Variants in DUSP15 observed in about 807,000 individuals in gnomAD.
DUSP15 encodes dual specificity protein phosphatase 15.
A neutral mutation model predicts 26.3 loss-of-function variants in DUSP15; 23 were observed. That is an observed-to-expected ratio of 0.87 (90% CI 0.63 to 1.24). DUSP15 has a LOEUF of 1.24. Among genes scored for constraint, DUSP15 ranks in the 50% most tolerant of loss-of-function variants. DUSP15 has a pLI of 0.00. For synonymous variants in DUSP15, 143 were observed against 135.5 expected, an observed-to-expected ratio of 1.06 and a Z score of -0.39; for missense variants, 364 against 320.6, an observed-to-expected ratio of 1.14 and a Z score of -1.03.
chr20:31,854,856 AG>A (rs1009021007), intron 6 of DUSP15, among the ~76,000 whole-genome samples: 1 of 152,222 alleles, frequency 6.6e-6, no homozygotes, highest in African/African-American at 2.4e-5. Context: ...CATTGCTCCT[AG>A]GGGAAATACA....
rs2062867535 is a variant in DUSP15 at position 31,869,554 on chromosome 20, C to A, written c.55+10G>T. On this transcript the variant is annotated intron_variant, in intron 2 of 6. Transcript: ENST00000339738. ...TGCCATGGCCTCGGGACAGAGTGGGCAGTGCTCACCAATGAAGTTTCCGAG... is the reference window on the plus strand; with the variant it reads ...TGCCATGGCCTCGGGACAGAGTGGGAAGTGCTCACCAATGAAGTTTCCGAG... 6.2e-7 allele frequency: 1 copy of A among 1,611,580 alleles called. No homozygotes were observed. The highest frequency in any genetic ancestry group is 2.2e-5 in the East Asian group (1 of 44,814).
At chr20:31,863,580 G>A (rs1055587461) in intron 5 of DUSP15, 1 of 262,568 alleles carries the variant, frequency 3.8e-6, no homozygotes, top group Non-Finnish European at 7.4e-6. Flanking sequence ...GAGGAGGGAG[G>A]CCCAGAACTA....
At position 31,849,887 on chromosome 20, in the gene DUSP15, A is replaced by T. The variant is rs376181819; in HGVS notation, c.492-13T>A. 7.3e-5 allele frequency: 108 copies of T among 1,484,032 alleles called. 1 individual carries two copies. In the African/African-American group the frequency reaches 1.5e-3, roughly 20 times the overall value. The allele number at this position is 1,484,032 out of a possible 1,614,324, so 91.9% of individuals were successfully genotyped here. On this transcript the variant is annotated splice_polypyrimidine_tract_variant and intron_variant, in intron 7 of 9. Transcript: ENST00000278979. ...TGCAGCCAGCAGGCTGTGGGGCGAG[A>T]GAGGGTGCACGGGCTGGACGTGGGC...
At chr20:31,849,785 C>G in exon 8 of DUSP15, 2 of 1,540,112 alleles carry the variant, frequency 1.3e-6, no homozygotes, top group Non-Finnish European at 1.7e-6. Flanking sequence ...GGCGGCCGCC[C>G]GCGGACTCAG....
chr20:31,867,892 G>A (rs1173297953), intron 2 of DUSP15, among the ~76,000 whole-genome samples: 4 of 151,998 alleles, frequency 2.6e-5, no homozygotes, highest in African/African-American at 7.2e-5. Flanking sequence ...TGATCCGCCC[G>A]CCTTGGCCTC....
intron 6 of DUSP15, among the ~76,000 whole-genome samples, chr20:31,852,235 T>G (rs1426730505): frequency 6.6e-6 from 1 of 152,130 alleles, no homozygotes; most frequent in African/African-American, 2.4e-5. Flanking sequence ...CCTCAAACTC[T>G]TGATCTCAGG....
At chr20:31,864,339 C>T (rs1239503172) in intron 4 of DUSP15, 4 of 1,065,128 alleles carry the variant, frequency 3.8e-6, no homozygotes, top group South Asian at 3.3e-5. Context: ...ATCAGAGCAC[C>T]TGGGCACAAT....
intron 1 of DUSP15, chr20:31,869,867 T>C (rs2062880566): frequency 7.1e-7 from 1 of 1,402,122 alleles, no homozygotes; most frequent in South Asian, 1.5e-5. Context: ...AAGGCAGGTC[T>C]TAGGAGGAGA....
At chr20:31,863,684 A>G in intron 5 of DUSP15, 1 of 544,360 alleles carries the variant, frequency 1.8e-6, no homozygotes. Flanking sequence ...AGATGAGGAC[A>G]TTGAGTCTCA....
intron 6 of DUSP15, among the ~76,000 whole-genome samples, chr20:31,851,005 C>T (rs1284471359): frequency 6.6e-6 from 1 of 152,210 alleles, no homozygotes; most frequent in Non-Finnish European, 1.5e-5. Flanking sequence ...GGACTGAAGG[C>T]CAGCTGGGGT....
At chr20:31,866,998 C>A in intron 3 of DUSP15, 73 bp downstream of exon 3, 2 of 1,387,026 alleles carry the variant, frequency 1.4e-6, no homozygotes, top group South Asian at 1.3e-5. Flanking sequence ...GCACCTAGCA[C>A]ATAGTAGATA....
intron 3 of DUSP15, among the ~76,000 whole-genome samples, chr20:31,865,630 G>A (rs1360109876): frequency 6.6e-6 from 1 of 152,048 alleles, no homozygotes; most frequent in East Asian, 1.9e-4. Context: ...TCTTTTCAGG[G>A]GCCAGGCCCG....
At chr20:31,848,746 G>GGGCT in intron 9 of DUSP15, 1 of 1,543,464 alleles carries the variant, frequency 6.5e-7, no homozygotes, top group Non-Finnish European at 8.8e-7. Flanking sequence ...AGTGTGGGAA[G>GGGCT]GGCTGTCTGG....
Position 31,870,221 on chromosome 20 carries a change from A to G in DUSP15, c.21+96T>C. The G allele has an allele frequency of 1.6e-6, 2 of 1,226,460 alleles. No homozygotes were observed. Among genetic ancestry groups the G allele is most frequent in the South Asian group, 8.3e-5 (2 of 24,060 alleles). 76.0% of individuals were successfully genotyped at this position (1,226,460 alleles called of 1,614,324 possible). On this transcript the variant is annotated intron_variant, in intron 1 of 6. Transcript: ENST00000339738. This position sits in a 1 kb window ranked among gnomAD's most constrained non-coding sequence, Gnocchi z 6.6. ...ATGCCGCCGCACGGAGACCGGCGAGAACAGAAGGTCAGAGGCGGGCGGACC... is the reference window on the plus strand; with the variant it reads ...ATGCCGCCGCACGGAGACCGGCGAGGACAGAAGGTCAGAGGCGGGCGGACC...
At position 31,870,404 on chromosome 20, in the gene DUSP15, G is replaced by A; in HGVS notation, c.-67C>T. 1 of 1,287,830 alleles carries A rather than the reference G, an allele frequency of 7.8e-7. No homozygotes were observed. Among genetic ancestry groups the A allele is most frequent in the Non-Finnish European group, 9.8e-7 (1 of 1,019,978 alleles). The allele number at this position is 1,287,830 out of a possible 1,614,324, so 79.8% of individuals were successfully genotyped here. Reference sequence around the variant, plus strand: ...CCCGGGAAGCGATCCGGTCACAGCTGCCCTGACGGCCCAGGCCCGACGCCT... The same window carrying A: ...CCCGGGAAGCGATCCGGTCACAGCTACCCTGACGGCCCAGGCCCGACGCCT... On this transcript the variant is annotated 5_prime_UTR_variant, in exon 1 of 7. Coordinates refer to ENST00000339738, the MANE Select transcript of DUSP15 (RefSeq NM_080611.5). The surrounding 1 kb of genome is among the most constrained non-coding windows in gnomAD (Gnocchi z 6.6).
At chr20:31,865,114 GC>G in intron 3 of DUSP15, 112 bp from the exon 4 acceptor site, 1 of 1,140,182 alleles carries the variant, frequency 8.8e-7, no homozygotes, top group South Asian at 1.3e-5. Context: ...CCCTTCTCTG[GC>G]CCACTGTGGT....
chr20:31,849,390 A>C, intron 8 of DUSP15: 1 of 417,872 alleles, frequency 2.4e-6, no homozygotes, highest in Non-Finnish European at 4.5e-6. Flanking sequence ...CTTTGTGTCA[A>C]TGTCCACTTC....
chr20:31,861,233 G>A lies in DUSP15; in HGVS notation c.*170C>T, dbSNP rs2062641477. ...CCGGCCCGGACACAGAGACGCACAG[G>A]TTGGGGACGCTGACTGCAGACGCGG... On this transcript the variant is annotated 3_prime_UTR_variant, in exon 7 of 7. Transcript: ENST00000339738. The A allele has an allele frequency of 2.2e-6, 3 of 1,366,490 alleles. No homozygotes were observed. The highest frequency in any genetic ancestry group is 2.8e-6 in the Non-Finnish European group (3 of 1,067,278). The allele number at this position is 1,366,490 out of a possible 1,614,324, so 84.6% of individuals were successfully genotyped here.
downstream of DUSP15, among the ~76,000 whole-genome samples, chr20:31,860,323 G>C (rs1259083570): frequency 1.3e-5 from 2 of 152,212 alleles, no homozygotes; most frequent in African/African-American, 4.8e-5. Context: ...CATACGAGTG[G>C]CTTATTGGGT....
Sources: allele counts gnomAD v4.1 joint callset (sites outside exome capture counted in the v4.1 genomes callset), GRCh38; gene constraint gnomAD v4.1.1; non-coding constraint Gnocchi (gnomAD v3.1); transcripts MANE v1.5; gene names NCBI Gene and HGNC (gene_info 2026-07-23, HGNC 2026-07-21).